Variants in NEK1 observed in about 807,000 individuals in gnomAD.
The protein encoded by NEK1 is serine/threonine-protein kinase Nek1.
A neutral mutation model predicts 182.1 loss-of-function variants in NEK1; 137 were observed. The observed-to-expected ratio is 0.75, with a 90% CI of 0.65 to 0.87. The LOEUF is 0.87. NEK1 is among the 40% of genes least tolerant of loss of function. NEK1 has a pLI of 0.00. For synonymous variants in NEK1, 513 were observed against 492.2 expected (o/e 1.04, Z -0.56); for missense variants, 1,391 against 1,494.4 (o/e 0.93, Z 1.14).
chr4:169,506,392 G>T (rs546331888), intron 23 of NEK1, among the ~76,000 whole-genome samples: 1 of 152,084 alleles, frequency 6.6e-6, no homozygotes, highest in Non-Finnish European at 1.5e-5. Flanking sequence ...GTGACAGAAG[G>T]ATGATGTAGT....
At chr4:169,453,740 A>G (rs1479465725) in intron 27 of NEK1, among the ~76,000 whole-genome samples, 1 of 152,220 alleles carries the variant, frequency 6.6e-6, no homozygotes, top group Admixed American at 6.5e-5. Flanking sequence ...AGTTAATTTA[A>G]TATCTATAGA....
intron 31 of NEK1, among the ~76,000 whole-genome samples, chr4:169,419,649 C>T (rs1045322558): frequency 1.3e-5 from 2 of 152,088 alleles, no homozygotes; most frequent in East Asian, 1.9e-4. Context: ...AACAAAGATA[C>T]GTTACGAGAA....
chr4:169,401,647 T>C lies in NEK1; in HGVS notation c.3583+5A>G, dbSNP rs775993065. 5 of 1,611,880 alleles carry C rather than the reference T, an allele frequency of 3.1e-6. No homozygotes were observed. In the East Asian group the frequency reaches 6.7e-5, roughly 22 times the overall value. ...AGAAAAAGGTCCAAAACTCTGATCATGCACCTGAGTGCCATTCTTCGTTCA... is the reference window on the plus strand; with the variant it reads ...AGAAAAAGGTCCAAAACTCTGATCACGCACCTGAGTGCCATTCTTCGTTCA... On this transcript the variant is annotated splice_donor_5th_base_variant and intron_variant, in intron 33 of 35. Coordinates refer to ENST00000507142, the MANE Select transcript of NEK1 (RefSeq NM_001199397.3).
In NEK1 at chr4:169,400,794, A is replaced by G. The variant is rs554594238; in HGVS notation, c.3584-143T>C. The G allele has an allele frequency of 3.1e-4, 179 of 582,924 alleles. 3 individuals carry two copies. The East Asian group carries it at 5.5e-3, about 18-fold the overall frequency. 36.1% of individuals were successfully genotyped at this position (582,924 alleles called of 1,614,324 possible). A position where few individuals can be genotyped will look rare whatever the true frequency, so the allele number is the denominator to read the frequency against. On this transcript the variant is annotated intron_variant, in intron 33 of 35. Transcript: ENST00000507142. The stretch of plus-strand genomic sequence containing the variant: ...CATTATAAACAGTTTTTGTCATTTT[A>G]ATATTTGTCCTTTATTTGGCAAAAA...
intron 19 of NEK1, among the ~76,000 whole-genome samples, chr4:169,530,663 AT>A: frequency 6.6e-6 from 1 of 151,978 alleles, no homozygotes; most frequent in East Asian, 1.9e-4. Flanking sequence ...CATACATACA[AT>A]TTACAAGACA....
chr4:169,394,239 G>C lies in NEK1; in HGVS notation c.*271C>G, dbSNP rs1730340132. On this transcript the variant is annotated 3_prime_UTR_variant, in exon 36 of 36. Transcript: ENST00000507142. ...TCAAAACCATTAAGTCAGGTTCTGG[G>C]TCAATGTTTCCTATGCTTTGGTTGG... 3.3e-6 allele frequency: 1 copy of C among 304,892 alleles called. No individual in the cohort carries two copies. The highest frequency in any genetic ancestry group is 2.2e-5 in the African/African-American group (1 of 45,498). The allele number at this position is 304,892 out of a possible 1,614,324, so 18.9% of individuals were successfully genotyped here.
chr4:169,549,915 G>T (rs569647662), intron 18 of NEK1, among the ~76,000 whole-genome samples: 1 of 151,986 alleles, frequency 6.6e-6, no homozygotes, highest in Non-Finnish European at 1.5e-5. Context: ...TAGAGATGGG[G>T]TTTCACCATG....
chr4:169,435,523 A>G (rs1738249855), intron 28 of NEK1, among the ~76,000 whole-genome samples: 1 of 152,158 alleles, frequency 6.6e-6, no homozygotes. Flanking sequence ...TCTCAACTAG[A>G]GGGAGCTCTG....
chr4:169,416,923 A>G (rs370818499), intron 31 of NEK1, among the ~76,000 whole-genome samples: 2 of 152,162 alleles, frequency 1.3e-5, no homozygotes, highest in East Asian at 3.8e-4. Context: ...AAAAAAGATT[A>G]AGTGCATTCA....
At chr4:169,530,119 C>T (rs556671241) in intron 19 of NEK1, among the ~76,000 whole-genome samples, 2 of 152,190 alleles carry the variant, frequency 1.3e-5, no homozygotes, top group South Asian at 4.1e-4. Flanking sequence ...CTCAAATGTC[C>T]CACAACTGGC....
chr4:169,542,162 C>A (rs1180463714), intron 18 of NEK1, among the ~76,000 whole-genome samples: 1 of 152,148 alleles, frequency 6.6e-6, no homozygotes, highest in African/African-American at 2.4e-5. Flanking sequence ...AGATGCTATC[C>A]ATCCCCTAGC....
At chr4:169,488,797 A>G (rs561591290) in intron 23 of NEK1, among the ~76,000 whole-genome samples, 3 of 152,312 alleles carry the variant, frequency 2.0e-5, no homozygotes, top group Non-Finnish European at 4.4e-5. Flanking sequence ...CTACCCCCCA[A>G]TATAACATCT....
intron 12 of NEK1, among the ~76,000 whole-genome samples, chr4:169,565,479 C>T (rs1442057909): frequency 3.3e-5 from 5 of 152,138 alleles, no homozygotes; most frequent in African/African-American, 1.2e-4. Flanking sequence ...GTAGATAATG[C>T]TCCTCATAGT....
intron 27 of NEK1, among the ~76,000 whole-genome samples, chr4:169,443,079 C>CTATT (rs1210150709): frequency 7.9e-5 from 12 of 151,202 alleles, no homozygotes. Flanking sequence ...ATCTATCTAT[C>CTATT]TATCTATCTA....
chr4:169,540,318 A>C (rs983640667), intron 18 of NEK1, among the ~76,000 whole-genome samples: 3 of 152,186 alleles, frequency 2.0e-5, no homozygotes, highest in African/African-American at 4.8e-5. Context: ...CGTAATACAT[A>C]TATTAATAGA....
At position 169,585,470 on chromosome 4, in the gene NEK1, T is replaced by C. The variant is rs61737748; in HGVS notation, c.686A>G (p.Tyr229Cys). 2.1e-4 allele frequency: 342 copies of C among 1,613,546 alleles called. No homozygotes were observed. Among genetic ancestry groups the C allele is most frequent in the Admixed American group, 1.1e-3 (65 of 59,964 alleles). The change falls in exon 10 of 36, where the codon TAT (tyrosine) becomes TGT (cysteine). Residue 229 changes from tyrosine (Y) to cysteine (C), a missense_variant. Physicochemically the swap from Tyr to Cys is radical, Grantham distance 194. Around this residue, in one of 5 missense-constraint regions of NEK1, gnomAD observed 1,216 missense variants for 1,277.6 expected, o/e 0.95. Transcript: ENST00000507142. ...SFPPVSLHYSYDLRSLVSQLF... is the reference protein window; with the variant it reads ...SFPPVSLHYSCDLRSLVSQLF... Reference sequence around the variant, plus strand: ...CTGAGACACCAAACTGCGGAGATCATAGGAATAATGCAAAGACACAGGTGG... The same window carrying C: ...CTGAGACACCAAACTGCGGAGATCACAGGAATAATGCAAAGACACAGGTGG...
chr4:169,457,309 T>C (rs1489967504), intron 27 of NEK1, among the ~76,000 whole-genome samples: 3 of 152,104 alleles, frequency 2.0e-5, no homozygotes, highest in Non-Finnish European at 4.4e-5. Flanking sequence ...TGTATCAAAA[T>C]ACCTCATGTA....
At chr4:169,566,505 G>A (rs1183017853) in intron 12 of NEK1, among the ~76,000 whole-genome samples, 3 of 152,068 alleles carry the variant, frequency 2.0e-5, no homozygotes, top group African/African-American at 7.2e-5. Flanking sequence ...GCTCCCTCTG[G>A]TGGCTTAATG....
chr4:169,484,309 G>C (rs11936564), intron 23 of NEK1, among the ~76,000 whole-genome samples: 43,949 of 152,134 alleles, frequency 0.29, 8,959 homozygotes, highest in African/African-American at 0.59. Flanking sequence ...GCCTCCCAGA[G>C]TGCTGGGATT....
Sources: allele counts gnomAD v4.1 joint callset (sites outside exome capture counted in the v4.1 genomes callset), GRCh38; gene constraint gnomAD v4.1.1; regional missense constraint gnomAD v4.1.1; transcripts MANE v1.5; gene names NCBI Gene and HGNC (gene_info 2026-07-23, HGNC 2026-07-21).